Variants in IRS2 observed in about 807,000 individuals in gnomAD.
IRS2 encodes insulin receptor substrate 2.
In IRS2, 28 loss-of-function variants were observed where a neutral mutation model predicts 70.9. The observed-to-expected ratio is 0.39, with a 90% CI of 0.29 to 0.54. The LOEUF is 0.54. Among genes scored for constraint, IRS2 ranks in the 20% least tolerant of loss-of-function variants. The probability of loss-of-function intolerance (pLI) is 0.59; values close to 1 mark genes in which losing one functional copy is unlikely to be tolerated. For missense variants in IRS2, 2,081 were observed against 2,024.1 expected, an observed-to-expected ratio of 1.03 and a Z score of -0.54; for synonymous variants, 1,217 against 981.9, an observed-to-expected ratio of 1.24 and a Z score of -4.48.
chr13:109,768,936 G>T (rs1046177406), intron 1 of IRS2, among the ~76,000 whole-genome samples: 4 of 152,152 alleles, frequency 2.6e-5, no homozygotes. Flanking sequence ...CCTACGCATA[G>T]GTTATTGGGA....
rs1248145336 is a variant in IRS2, at chr13:109,785,226, G to A, written c.828C>T (p.Asp276=). 1 of 1,605,052 alleles carries A rather than the reference G, an allele frequency of 6.2e-7. No individual in the cohort carries two copies. The highest frequency in any genetic ancestry group is 1.1e-5 in the South Asian group (1 of 89,828). Residue 276 remains aspartate (D), a synonymous_variant, in exon 1 of 2, where the codon GAC becomes GAT. Coordinates refer to ENST00000375856, the MANE Select transcript of IRS2 (RefSeq NM_003749.3). The surrounding 1 kb of genome is among the most constrained non-coding windows in gnomAD (Gnocchi z 9.3). ...GPGELWMQAD[D]SVVAQNIHET... ...CGTGGATGTTCTGCGCCACCACCGA[G>A]TCGTCCGCCTGCATCCACAGCTCGC...
rs1226392511 is a variant in IRS2, at chr13:109,786,213, G to A, written c.-160C>T. On this transcript the variant is annotated 5_prime_UTR_variant, in exon 1 of 2. Coordinates refer to ENST00000375856, the MANE Select transcript of IRS2 (RefSeq NM_003749.3). The surrounding 1 kb of genome is among the most constrained non-coding windows in gnomAD (Gnocchi z 4.4). ...CAGGCGGTGGGGAAGGTCCGGGGAG[G>A]CCCGCGGGGGCCAGCACCGCTCGGC... 5 of 220,106 alleles carry A rather than the reference G, an allele frequency of 2.3e-5. No individual in the cohort carries two copies. The highest frequency in any genetic ancestry group is 3.8e-5 in the Non-Finnish European group (5 of 132,880). The allele number at this position is 220,106 out of a possible 1,614,324, so 13.6% of individuals were successfully genotyped here. A position where few individuals can be genotyped will look rare whatever the true frequency, so the allele number is the denominator to read the frequency against.
In IRS2 at chr13:109,782,855, C is replaced by T. The variant is rs1411255606; in HGVS notation, c.3199G>A (p.Gly1067Arg). 8 of 1,580,426 alleles carry T rather than the reference C, an allele frequency of 5.1e-6. No individual in the cohort carries two copies. The highest frequency in any genetic ancestry group is 1.8e-5 in the Admixed American group (1 of 54,476). Reference protein sequence around the residue: ...GAASSLSSDTGDNGDYTEMAF... With the variant: ...GAASSLSSDTRDNGDYTEMAF... ...ATCTCGGTGTAGTCACCATTGTCCC[C>T]GGTGTCCGAGGACAACGATGAGGCG... The change falls in exon 1 of 2, where the codon GGG becomes AGG. Residue 1067 changes from glycine (G) to arginine (R), a missense_variant. Coordinates refer to ENST00000375856, the MANE Select transcript of IRS2 (RefSeq NM_003749.3).
chr13:109,778,461 G>A (rs974039393), intron 1 of IRS2, among the ~76,000 whole-genome samples: 2 of 152,172 alleles, frequency 1.3e-5, no homozygotes, highest in Non-Finnish European at 2.9e-5. Context: ...CTGCTCCTGC[G>A]AATAGGGCAG....
Position 109,782,622 on chromosome 13 carries a change from G to A in IRS2, c.3432C>T (p.Arg1144=), listed in dbSNP as rs866892641. The change falls in exon 1 of 2, where the codon CGC becomes CGT. Residue 1144 remains arginine (R), a synonymous_variant. Transcript: ENST00000375856. ...AGAAGGTCTCGGAACTGTGGCGGCG[G>A]CGGCCCCCCTGCGGGTCTGCGCGGA... The part of the protein sequence containing the change: ...KVIRADPQGG[R]RRHSSETFSS... 5.1e-6 allele frequency: 8 copies of A among 1,574,872 alleles called. 1 individual carries two copies. In the Middle Eastern group the frequency reaches 1.0e-3, roughly 196 times the overall value.
At chr13:109,767,282 G>A (rs549091117) in intron 1 of IRS2, among the ~76,000 whole-genome samples, 39 of 152,222 alleles carry the variant, frequency 2.6e-4, no homozygotes, top group Admixed American at 1.4e-3. Flanking sequence ...GGGCCACACC[G>A]GGAATGTGGC....
chr13:109,779,821 G>C (rs1877657896), intron 1 of IRS2, among the ~76,000 whole-genome samples: 3 of 152,234 alleles, frequency 2.0e-5, no homozygotes, highest in African/African-American at 7.2e-5. Context: ...CAGAACACAG[G>C]CTTCTGTCTG....
At position 109,785,360 on chromosome 13, in the gene IRS2, T is replaced by A. The variant is rs1288665582; in HGVS notation, c.694A>T (p.Asn232Tyr). The A allele has an allele frequency of 6.2e-7, 1 of 1,612,250 alleles. No individual in the cohort carries two copies. The highest frequency in any genetic ancestry group is 8.5e-7 in the Non-Finnish European group (1 of 1,179,822). Residue 232 changes from asparagine to tyrosine, a missense_variant, in exon 1 of 2, where the codon AAC becomes TAC. Asn to Tyr is a moderately radical substitution (Grantham distance 143). Coordinates refer to ENST00000375856, the MANE Select transcript of IRS2 (RefSeq NM_003749.3). The surrounding 1 kb of genome is among the most constrained non-coding windows in gnomAD (Gnocchi z 9.3). ...SARTIGFVKL[N>Y]CEQPSVTLQL... ...AGCGTCACCGACGGCTGCTCGCAGT[T>A]GAGCTTCACGAAGCCGATGGTGCGC...
chr13:109,776,161 A>G (rs74549231), intron 1 of IRS2, among the ~76,000 whole-genome samples: 53 of 126,538 alleles, frequency 4.2e-4, no homozygotes, highest in East Asian at 4.3e-4. Flanking sequence ...AAAAAAAAAA[A>G]GAAAAAAACC....
intron 1 of IRS2, among the ~76,000 whole-genome samples, chr13:109,764,157 C>A (rs796661163): frequency 2.0e-5 from 3 of 152,206 alleles, no homozygotes; most frequent in African/African-American, 7.2e-5. Context: ...TCTTCCTAAT[C>A]GGCCATATCA....
At chr13:109,758,576 A>C (rs1877157066) in intron 1 of IRS2, among the ~76,000 whole-genome samples, 1 of 152,176 alleles carries the variant, frequency 6.6e-6, no homozygotes, top group African/African-American at 2.4e-5. Context: ...GTATCGCTGT[A>C]ATATTCAACT....
At position 109,783,925 on chromosome 13, in the gene IRS2, G is replaced by A. The variant is rs761450688; in HGVS notation, c.2129C>T (p.Pro710Leu). 7.1e-6 allele frequency: 11 copies of A among 1,539,306 alleles called. No homozygotes were observed. The South Asian group carries it at 9.5e-5, about 13-fold the overall frequency. ...AAVPSAGPAGPAPTSAAGRTF... is the reference protein window; with the variant it reads ...AAVPSAGPAGLAPTSAAGRTF... ...CCTGCCCGCCGCAGAGGTGGGTGCT[G>A]GCCCCGCAGGCCCCGCAGAAGGCAC... The change falls in exon 1 of 2, where the codon CCA (proline) becomes CTA (leucine). Residue 710 changes from proline to leucine, a missense_variant. Coordinates refer to ENST00000375856, the MANE Select transcript of IRS2 (RefSeq NM_003749.3).
chr13:109,761,030 A>G (rs962611101), intron 1 of IRS2, among the ~76,000 whole-genome samples: 11 of 152,238 alleles, frequency 7.2e-5, no homozygotes, highest in Admixed American at 7.2e-4. Context: ...CTTTTTCTTC[A>G]TAATTTCTCC....
At chr13:109,760,586 C>T (rs1877204322) in intron 1 of IRS2, among the ~76,000 whole-genome samples, 1 of 152,224 alleles carries the variant, frequency 6.6e-6, no homozygotes, top group African/African-American at 2.4e-5. Flanking sequence ...TCTGCTGTCG[C>T]TTGTGACAGA....
chr13:109,784,342 A>G lies in IRS2; in HGVS notation c.1712T>C (p.Leu571Pro), dbSNP rs773307656. 33 of 1,608,494 alleles carry G rather than the reference A, an allele frequency of 2.1e-5. No individual in the cohort carries two copies. Among genetic ancestry groups the G allele is most frequent in the Non-Finnish European group, 2.7e-5 (32 of 1,179,284 alleles). Reference sequence around the variant, plus strand: ...GGTCAGGGAGTAGGTCCTCTTGCGCAGCCCTCGGTCCAGGTCCTGGGCCGC... The same window carrying G: ...GGTCAGGGAGTAGGTCCTCTTGCGCGGCCCTCGGTCCAGGTCCTGGGCCGC... ...GDAAQDLDRG[L>P]RKRTYSLTTP... Residue 571 changes from leucine to proline, a missense_variant, in exon 1 of 2, where the codon CTG becomes CCG. Leu to Pro is a moderately conservative substitution (Grantham distance 98, BLOSUM62 -3). This residue lies in a region of IRS2 where 1,615 missense variants were observed against 1,459.5 expected (regional missense o/e 1.11). Coordinates refer to ENST00000375856, the MANE Select transcript of IRS2 (RefSeq NM_003749.3). This position sits in a 1 kb window ranked among gnomAD's most constrained non-coding sequence, Gnocchi z 5.2.
rs779630572 is a variant in IRS2 at position 109,783,525 on chromosome 13, G to A, written c.2529C>T (p.Ala843=). The change falls in exon 1 of 2, where the codon GCC becomes GCT. Residue 843 remains alanine, a synonymous_variant. Coordinates refer to ENST00000375856, the MANE Select transcript of IRS2 (RefSeq NM_003749.3). ...TGGCCGCCTGGCTGGGCCCTGGCGT[G>A]GCCTGAGGCTCCAGACGCTCCTCCT... ...ILEEERLEPQ[A]TPGPSQAASA... is the part of the protein sequence containing the mutation. 6.5e-7 allele frequency: 1 copy of A among 1,548,706 alleles called. No individual in the cohort carries two copies. The highest frequency in any genetic ancestry group is 1.2e-5 in the South Asian group (1 of 84,014).
chr13:109,778,606 G>C (rs1321210155), intron 1 of IRS2, among the ~76,000 whole-genome samples: 4 of 152,156 alleles, frequency 2.6e-5, no homozygotes, highest in Non-Finnish European at 4.4e-5. Flanking sequence ...AAAATTCTCT[G>C]CTTTACGACT....
intron 1 of IRS2, among the ~76,000 whole-genome samples, chr13:109,762,784 C>T (rs1232094153): frequency 6.6e-6 from 1 of 152,134 alleles, no homozygotes; most frequent in Admixed American, 6.5e-5. Context: ...GAAGCGAAAA[C>T]CCCATGTGGT....
At position 109,784,765 on chromosome 13, in the gene IRS2, G is replaced by T; in HGVS notation, c.1289C>A (p.Ser430Tyr). The change falls in exon 1 of 2, where the codon TCC becomes TAC. Residue 430 changes from serine (S) to tyrosine (Y), a missense_variant. Physicochemically the swap from Ser to Tyr is moderately radical, Grantham distance 144. Coordinates refer to ENST00000375856, the MANE Select transcript of IRS2 (RefSeq NM_003749.3). This position sits in a 1 kb window ranked among gnomAD's most constrained non-coding sequence, Gnocchi z 5.2. Reference sequence around the variant, plus strand: ...CGAGTGCGCCACGGGCATGGACATGGAGCGGCTGTGTTGCAGCGCGCCCCC... The same window carrying T: ...CGAGTGCGCCACGGGCATGGACATGTAGCGGCTGTGTTGCAGCGCGCCCCC... Reference protein sequence around the residue: ...PAGGALQHSRSMSMPVAHSPP... With the variant: ...PAGGALQHSRYMSMPVAHSPP... 8.0e-7 allele frequency: 1 copy of T among 1,252,050 alleles called. No individual in the cohort carries two copies. The highest frequency in any genetic ancestry group is 1.0e-6 in the Non-Finnish European group (1 of 999,646). 77.6% of individuals were successfully genotyped at this position (1,252,050 alleles called of 1,614,324 possible). A position where few individuals can be genotyped will look rare whatever the true frequency, so the allele number is the denominator to read the frequency against.
Sources: allele counts gnomAD v4.1 joint callset (sites outside exome capture counted in the v4.1 genomes callset), GRCh38; gene constraint gnomAD v4.1.1; regional missense constraint gnomAD v4.1.1; non-coding constraint Gnocchi (gnomAD v3.1); transcripts MANE v1.5; gene names NCBI Gene and HGNC (gene_info 2026-07-23, HGNC 2026-07-21).